Variants in QSOX1 observed in about 807,000 individuals in gnomAD.
The protein encoded by QSOX1 is quiescin sulfhydryl oxidase 1.
A neutral mutation model predicts 76.1 loss-of-function variants in QSOX1; 40 were observed. That is an observed-to-expected ratio of 0.53 (90% confidence interval 0.41 to 0.68). The LOEUF (loss-of-function observed/expected upper bound fraction) is 0.68, where lower values mean the gene tolerates loss of function less well. Among genes scored for constraint, QSOX1 ranks in the 30% least tolerant of loss-of-function variants. The pLI is 0.00. For missense variants in QSOX1, 931 were observed against 974.3 expected (o/e 0.96, Z 0.59); for synonymous variants, 392 against 413.1 (o/e 0.95, Z 0.62).
intron 11 of QSOX1, among the ~76,000 whole-genome samples, chr1:180,195,000 G>GGC (rs1553275535): frequency 6.6e-6 from 1 of 151,202 alleles, no homozygotes. Context: ...GCCTCCCGGG[G>GGC]GGGGGAGACC....
chr1:180,177,342 C>T (rs1386492088), intron 4 of QSOX1, among the ~76,000 whole-genome samples: 1 of 151,466 alleles, frequency 6.6e-6, no homozygotes, highest in Non-Finnish European at 1.5e-5. Context: ...CAACCTCCAC[C>T]TCCTGGGTTC....
chr1:180,185,284 A>G (rs1327154106), intron 7 of QSOX1, among the ~76,000 whole-genome samples: 4 of 152,230 alleles, frequency 2.6e-5, no homozygotes, highest in African/African-American at 7.2e-5. Flanking sequence ...AGGAAAGTCA[A>G]CTGAGTTGCC....
rs1243782149 is a variant in QSOX1 at position 180,173,313 on chromosome 1, T to TTTTCA, written c.367-2007_367-2006insTTCAT. Among the ~76,000 whole-genome samples the TTTTCA allele has an allele frequency of 6.1e-3, 931 of 152,214 alleles. 9 individuals are homozygous for TTTTCA. Among genetic ancestry groups the TTTTCA allele is most frequent in the African/African-American group, 0.021 (880 of 41,526 alleles). ...ACCCCAAATAGATGTATCTTCAATT[T>TTTTCA]TGTTCATGAAAAAGTGTCAGTCCAT... is the stretch of plus-strand genomic sequence containing the variant. On this transcript the variant is annotated intron_variant, in intron 2 of 11. Transcript: ENST00000367602.
At chr1:180,165,550 C>G (rs955655627) in intron 1 of QSOX1, among the ~76,000 whole-genome samples, 4 of 152,286 alleles carry the variant, frequency 2.6e-5, no homozygotes, top group African/African-American at 9.6e-5. Flanking sequence ...AACTCTGTTT[C>G]CACCTTTCCT....
chr1:180,168,432 T>G (rs889902396), intron 2 of QSOX1, among the ~76,000 whole-genome samples: 30 of 152,246 alleles, frequency 2.0e-4, no homozygotes, highest in African/African-American at 7.2e-4. Context: ...GGCTCAGTTT[T>G]GGCCAGGGGG....
intron 4 of QSOX1, among the ~76,000 whole-genome samples, chr1:180,177,250 CTTT>C (rs34390948): frequency 1.5e-4 from 17 of 112,850 alleles, no homozygotes; most frequent in Non-Finnish European, 1.5e-4. Flanking sequence ...CAAAGTGATC[CTTT>C]TTTTTTTTTT....
At position 180,194,304 on chromosome 1, in the gene QSOX1, T is replaced by C; in HGVS notation, c.1380T>C (p.Ala460=). 6.2e-7 allele frequency: 1 copy of C among 1,612,148 alleles called. No individual in the cohort carries two copies. The highest frequency in any genetic ancestry group is 1.1e-5 in the South Asian group (1 of 90,922). The part of the protein sequence containing the change: ...RDCASHFEQM[A]AASMHRVGSP... ...GCGCTAGCCACTTCGAGCAGATGGC[T>C]GCTGCCTCCATGCACCGGGTGGGGA... The change falls in exon 11 of 12, where the codon GCT becomes GCC. Residue 460 remains alanine, a synonymous_variant. Transcript: ENST00000367602.
chr1:180,172,239 G>C (rs1341326038), intron 2 of QSOX1, among the ~76,000 whole-genome samples: 1 of 152,222 alleles, frequency 6.6e-6, no homozygotes, highest in Non-Finnish European at 1.5e-5. Context: ...GGCGGCTGTA[G>C]TAGAAAAGAG....
intron 5 of QSOX1, 130 bp from the exon 6 acceptor site, chr1:180,182,044 C>T: frequency 1.1e-6 from 1 of 875,166 alleles, no homozygotes; most frequent in African/African-American, 1.7e-5. Context: ...GTGGTCCACT[C>T]TTTGTGGGTT....
intron 4 of QSOX1, among the ~76,000 whole-genome samples, chr1:180,178,044 C>T (rs1349146775): frequency 6.6e-6 from 1 of 152,138 alleles, no homozygotes; most frequent in Admixed American, 6.5e-5. Context: ...GCACATCTCC[C>T]CCTTGGTCGT....
rs59644903 is a variant in QSOX1, at chr1:180,201,308, A to G, written c.*4271A>G. On this transcript the variant is annotated 3_prime_UTR_variant, in exon 12 of 12. Coordinates refer to ENST00000367602, the MANE Select transcript of QSOX1 (RefSeq NM_002826.5). ...GATAGAATCCCGGGCCAGGTGTGAG[A>G]GGGGAGAGCTCACTCACACCAGCCT... The G allele has an allele frequency of 0.03, 4,538 of 152,180 alleles. 214 individuals are homozygous for G. The highest frequency in any genetic ancestry group is 0.24 in the East Asian group (1,218 of 5,160). The allele number at this position is 152,180 out of a possible 1,614,324, so 9.4% of individuals were successfully genotyped here. A position where few individuals can be genotyped will look rare whatever the true frequency, so the allele number is the denominator to read the frequency against.
rs1663620576 is a variant in QSOX1, at chr1:180,200,771, A to C, written c.*3734A>C. 1 of 152,218 alleles carries C rather than the reference A, an allele frequency of 6.6e-6. No individual in the cohort carries two copies. The highest frequency in any genetic ancestry group is 1.5e-5 in the Non-Finnish European group (1 of 68,034). 9.4% of individuals were successfully genotyped at this position (152,218 alleles called of 1,614,324 possible). Reference sequence around the variant, plus strand: ...ACTTGACCCCAGATCCCACCCACTCAACCCTGGAGCTGCAGTCTCTACCCC... The same window carrying C: ...ACTTGACCCCAGATCCCACCCACTCCACCCTGGAGCTGCAGTCTCTACCCC... On this transcript the variant is annotated 3_prime_UTR_variant, in exon 12 of 12. Transcript: ENST00000367602.
At chr1:180,166,406 GGGTGA>G in intron 1 of QSOX1, 80 bp from the exon 2 acceptor site, 1 of 1,070,408 alleles carries the variant, frequency 9.3e-7, no homozygotes. Context: ...AGGTTGGCAG[GGGTGA>G]GGCATTGCAT....
intron 8 of QSOX1, among the ~76,000 whole-genome samples, chr1:180,186,741 A>T (rs1039524752): frequency 2.0e-5 from 3 of 152,204 alleles, no homozygotes; most frequent in African/African-American, 7.2e-5. Flanking sequence ...AATCCTTTTA[A>T]CTACTCTGCG....
At chr1:180,160,169 G>A (rs1282050914) in intron 1 of QSOX1, among the ~76,000 whole-genome samples, 5 of 151,998 alleles carry the variant, frequency 3.3e-5, no homozygotes, top group African/African-American at 1.2e-4. Context: ...GCTTAGCCAG[G>A]GACCCATGAA....
At chr1:180,177,953 T>C (rs889504628) in intron 4 of QSOX1, among the ~76,000 whole-genome samples, 2 of 152,210 alleles carry the variant, frequency 1.3e-5, no homozygotes, top group African/African-American at 4.8e-5. Flanking sequence ...GTTAGAGATA[T>C]AGATGGCTTC....
At chr1:180,185,727 G>A (rs1163620526) in intron 7 of QSOX1, among the ~76,000 whole-genome samples, 3 of 152,192 alleles carry the variant, frequency 2.0e-5, no homozygotes, top group Non-Finnish European at 2.9e-5. Flanking sequence ...GGGTGGCTGT[G>A]GGCCTGGAGA....
At chr1:180,168,787 G>A (rs1662697321) in intron 2 of QSOX1, among the ~76,000 whole-genome samples, 1 of 152,176 alleles carries the variant, frequency 6.6e-6, no homozygotes, top group East Asian at 1.9e-4. Context: ...GAGATTCGGG[G>A]CCATGAAGAA....
At position 180,194,266 on chromosome 1, in the gene QSOX1, G is replaced by A. The variant is rs773186341; in HGVS notation, c.1342G>A (p.Gly448Ser). 2.9e-5 allele frequency: 46 copies of A among 1,613,110 alleles called. No individual in the cohort carries two copies. Among genetic ancestry groups the A allele is most frequent in the East Asian group, 6.7e-5 (3 of 44,868 alleles). ...CCGAGGCTACGTGCACTACTTCTTC[G>A]GCTGCCGAGACTGCGCTAGCCACTT... ...AIRGYVHYFF[G>S]CRDCASHFEQ... Residue 448 changes from glycine (G) to serine (S), a missense_variant, in exon 11 of 12, where the codon GGC becomes AGC. Gly to Ser is a moderately conservative substitution (Grantham distance 56, BLOSUM62 0). Transcript: ENST00000367602.
Sources: gnomAD v4.1 joint callset for allele counts (sites outside exome capture counted in the v4.1 genomes callset) on GRCh38, gnomAD v4.1.1 for gene constraint, MANE v1.5 for transcripts, NCBI Gene and HGNC (gene_info 2026-07-23, HGNC 2026-07-21) for gene names.